Variants in ADGRL2 observed in about 807,000 individuals in gnomAD.
The protein encoded by ADGRL2 is adhesion G protein-coupled receptor L2, also known as calcium-independent alpha-latrotoxin receptor 2.
ADGRL2 carries 44 observed loss-of-function variants against 157.4 expected under a neutral mutation model. The ratio of observed to expected loss-of-function variants is 0.28; its 90% CI spans 0.22 to 0.36. ADGRL2 has a LOEUF of 0.36. Among genes scored for constraint, ADGRL2 ranks in the 10% least tolerant of loss-of-function variants. The pLI is 1.00. For missense variants in ADGRL2, 1,510 were observed against 1,768.9 expected (o/e 0.85, Z 2.63); for synonymous variants, 585 against 624.7 (o/e 0.94, Z 0.95).
In ADGRL2 at chr1:81,730,520, C is replaced by G. The variant is rs9324184; in HGVS notation, c.-143+30712C>G. On this transcript the variant is annotated intron_variant, in intron 1 of 20. Transcript: ENST00000359929. ...AGTGGATCACTTGAGGTCAGGAGTT[C>G]GCGACCAGCCTAGCCAACATGGTGA... Among the ~76,000 whole-genome samples, 4 of 151,822 alleles carry G rather than the reference C, an allele frequency of 2.6e-5. No individual in the cohort carries two copies. The South Asian group carries it at 8.3e-4, about 32-fold the overall frequency.
intron 1 of ADGRL2, among the ~76,000 whole-genome samples, chr1:81,730,459 T>C (rs1382199800): frequency 6.6e-6 from 1 of 152,186 alleles, no homozygotes; most frequent in Admixed American, 6.5e-5. Context: ...CCGGGCACAG[T>C]GGCTTATGCC....
chr1:81,707,694 G>T (rs2083784002), intron 1 of ADGRL2, among the ~76,000 whole-genome samples: 1 of 152,000 alleles, frequency 6.6e-6, no homozygotes, highest in Non-Finnish European at 1.5e-5. Flanking sequence ...GATGCTCAGT[G>T]CTCGGTTCTA....
chr1:81,952,020 G>A lies in ADGRL2; in HGVS notation c.1672G>A (p.Val558Met), dbSNP rs1027193209. 1 of 1,613,780 alleles carries A rather than the reference G, an allele frequency of 6.2e-7. No individual in the cohort carries two copies. The highest frequency in any genetic ancestry group is 2.2e-5 in the East Asian group (1 of 44,852). Residue 558 changes from valine to methionine, a missense_variant, in exon 9 of 24, where the codon GTG (valine) becomes ATG (methionine). Val to Met is a conservative substitution (Grantham distance 21, BLOSUM62 1). Transcript: ENST00000686636. ...NELAKHTKGPVFAGDVSSSVR... is the reference protein window; with the variant it reads ...NELAKHTKGPMFAGDVSSSVR... Reference sequence around the variant, plus strand: ...ACTGGCTAAACATACCAAAGGGCCAGTGTTTGCTGGGGATGTAAGTTCTTC... The same window carrying A: ...ACTGGCTAAACATACCAAAGGGCCAATGTTTGCTGGGGATGTAAGTTCTTC...
intron 1 of ADGRL2, among the ~76,000 whole-genome samples, chr1:81,714,191 G>A (rs1439044779): frequency 6.6e-6 from 1 of 151,990 alleles, no homozygotes; most frequent in African/African-American, 2.4e-5. Context: ...ATGAGATTTG[G>A]GTGGAAACAC....
At chr1:81,462,312 C>G (rs541316417) in intron 2 of ADGRL2, among the ~76,000 whole-genome samples, 110 of 152,290 alleles carry the variant, frequency 7.2e-4, no homozygotes, top group Non-Finnish European at 1.2e-3. Flanking sequence ...CTCTGCTGCC[C>G]TTCTATGTTG....
In ADGRL2 at chr1:81,952,216, G is replaced by T. The variant is rs1041081057; in HGVS notation, c.1794+74G>T. 4.7e-6 allele frequency: 6 copies of T among 1,269,718 alleles called. No homozygotes were observed. The African/African-American group carries it at 6.1e-5, about 13-fold the overall frequency. The allele number at this position is 1,269,718 out of a possible 1,614,324, so 78.7% of individuals were successfully genotyped here. ...CTCTTTCTTGTCTTATAGCAGTTGA[G>T]AGCCAAATCTTTGGCCCCGGGACAT... On this transcript the variant is annotated intron_variant, in intron 9 of 23. Coordinates refer to ENST00000686636, the MANE Select transcript of ADGRL2 (RefSeq NM_001366006.2).
intron 1 of ADGRL2, among the ~76,000 whole-genome samples, chr1:81,419,006 T>C (rs1258530367): frequency 6.6e-6 from 1 of 152,068 alleles, no homozygotes; most frequent in African/African-American, 2.4e-5. Flanking sequence ...CCACAAATGA[T>C]GAGGAGGCTA....
chr1:81,636,687 G>A (rs1485666083), intron 3 of ADGRL2, among the ~76,000 whole-genome samples: 1 of 152,148 alleles, frequency 6.6e-6, no homozygotes, highest in Non-Finnish European at 1.5e-5. Context: ...AGAGATTAAT[G>A]AAAATCTGTA....
intron 1 of ADGRL2, among the ~76,000 whole-genome samples, chr1:81,306,870 G>A (rs941517101): frequency 6.7e-5 from 7 of 104,160 alleles, no homozygotes; most frequent in Non-Finnish European, 1.2e-4. Context: ...AAATTCAACC[G>A]TAACAAATTT....
chr1:81,942,884 C>T, intron 5 of ADGRL2, 85 bp from the exon 6 acceptor site: 2 of 956,244 alleles, frequency 2.1e-6, no homozygotes, highest in Middle Eastern at 2.2e-4. Context: ...TGAATTTTTC[C>T]CTTTTGATTT....
At position 81,993,091 on chromosome 1, in the gene ADGRL2, T is replaced by A. The variant is rs1169283522; in HGVS notation, c.*1946T>A. Among the ~76,000 whole-genome samples, 253 of 31,870 alleles carry A rather than the reference T, an allele frequency of 7.9e-3. No homozygotes were observed. The highest frequency in any genetic ancestry group is 0.015 in the African/African-American group (98 of 6,566). The allele number at this position is 31,870 out of a possible 152,430, so 20.9% of individuals were successfully genotyped here. On this transcript the variant is annotated 3_prime_UTR_variant, in exon 24 of 24. Transcript: ENST00000686636. ...TATATATATATATATATATATATTT[T>A]TTTTTTTTTTTTTTTTTTTTTTTTT... is the stretch of plus-strand genomic sequence containing the variant.
intron 2 of ADGRL2, among the ~76,000 whole-genome samples, chr1:81,776,305 C>T (rs1327851422): frequency 6.6e-6 from 1 of 151,896 alleles, no homozygotes; most frequent in African/African-American, 2.4e-5. Flanking sequence ...TCTCCTGCCT[C>T]TGCCTCCCAA....
intron 18 of ADGRL2, among the ~76,000 whole-genome samples, chr1:81,981,411 T>C (rs1661634290): frequency 6.6e-6 from 1 of 151,958 alleles, no homozygotes; most frequent in South Asian, 2.1e-4. Context: ...TTAACCTTTC[T>C]GTATGTGTCA....
At chr1:81,441,236 T>G (rs2077502218) in intron 1 of ADGRL2, among the ~76,000 whole-genome samples, 1 of 152,122 alleles carries the variant, frequency 6.6e-6, no homozygotes. Flanking sequence ...CTACTGAAAA[T>G]AGTACTGTTA....
intron 1 of ADGRL2, among the ~76,000 whole-genome samples, chr1:81,401,791 T>A (rs1293152543): frequency 1.3e-5 from 2 of 152,168 alleles, no homozygotes; most frequent in African/African-American, 4.8e-5. Flanking sequence ...GGGTTATCTG[T>A]TACGAGGACT....
chr1:81,483,814 C>T (rs900565172), intron 2 of ADGRL2, among the ~76,000 whole-genome samples: 2 of 152,152 alleles, frequency 1.3e-5, no homozygotes, highest in African/African-American at 4.8e-5. Context: ...AAATGGAAGA[C>T]ATATGTTTAA....
chr1:81,732,233 G>GTGAGAT (rs2084750767), intron 1 of ADGRL2, among the ~76,000 whole-genome samples: 2 of 152,168 alleles, frequency 1.3e-5, no homozygotes, highest in Non-Finnish European at 2.9e-5. Flanking sequence ...CACCCCTAGT[G>GTGAGAT]CACTAGTTGA....
chr1:81,340,566 G>A (rs1057503128), intron 1 of ADGRL2, among the ~76,000 whole-genome samples: 1 of 151,982 alleles, frequency 6.6e-6, no homozygotes, highest in Non-Finnish European at 1.5e-5. Context: ...CATTATCTAT[G>A]GCCAAAACCA....
Position 81,787,948 on chromosome 1 carries a change from G to A in ADGRL2, c.-101+26096G>A, listed in dbSNP as rs138403311. 1.2e-4 allele frequency among the ~76,000 whole-genome samples: 18 copies of A among 151,948 alleles called. No individual in the cohort carries two copies. The East Asian group carries it at 3.1e-3, about 26-fold the overall frequency. ...CACTTTTTTCAACATAAAAATTATT[G>A]AGCACCAGAGCTCAAACATTAAAAT... On this transcript the variant is annotated intron_variant, in intron 2 of 20. Coordinates refer to the ADGRL2 transcript ENST00000359929.
Sources: allele counts gnomAD v4.1 joint callset (sites outside exome capture counted in the v4.1 genomes callset), GRCh38; gene constraint gnomAD v4.1.1; transcripts MANE v1.5; gene names NCBI Gene and HGNC (gene_info 2026-07-23, HGNC 2026-07-21).